SLC2A9: variants seen among roughly 807,000 people sequenced by gnomAD.
SLC2A9 encodes solute carrier family 2, facilitated glucose transporter member 9.
Under a neutral mutation model 50.6 loss-of-function variants are expected in SLC2A9, and 39 were observed. That is an observed-to-expected ratio of 0.77 (90% confidence interval 0.60 to 1.01). The LOEUF is 1.01. Among genes scored for constraint, SLC2A9 ranks in the 50% least tolerant of loss-of-function variants. The pLI is 0.00. For synonymous variants in SLC2A9, 324 were observed against 276.9 expected (o/e 1.17, Z -1.69); for missense variants, 686 against 677.6 (o/e 1.01, Z -0.14).
At chr4:9,951,300 T>C (rs1305482385) in intron 5 of SLC2A9, among the ~76,000 whole-genome samples, 2 of 140,536 alleles carry the variant, frequency 1.4e-5, no homozygotes, top group Admixed American at 1.5e-4. Flanking sequence ...TTTGATCATA[T>C]GGATGTGGAG....
In SLC2A9 at chr4:9,826,312, A is replaced by T. The variant is rs1023846250; in HGVS notation, c.*85T>A. Reference sequence around the variant, plus strand: ...CATTTAAGCTTCCCAATAATGGGTAAATTTTAAGTTTCCTGAAAAGTGAGA... The same window carrying T: ...CATTTAAGCTTCCCAATAATGGGTATATTTTAAGTTTCCTGAAAAGTGAGA... On this transcript the variant is annotated 3_prime_UTR_variant, in exon 12 of 12. Transcript: ENST00000264784. 2.9e-6 allele frequency: 4 copies of T among 1,403,012 alleles called. No individual in the cohort carries two copies. The highest frequency in any genetic ancestry group is 4.0e-6 in the Non-Finnish European group (4 of 989,298). 86.9% of individuals were successfully genotyped at this position (1,403,012 alleles called of 1,614,324 possible). A position where few individuals can be genotyped will look rare whatever the true frequency, so the allele number is the denominator to read the frequency against.
chr4:10,016,888 T>C (rs1762702056), intron 2 of SLC2A9, among the ~76,000 whole-genome samples: 1 of 152,056 alleles, frequency 6.6e-6, no homozygotes, highest in Admixed American at 6.5e-5. Context: ...CCTAAGATCT[T>C]AGGCCCTCTT....
intron 5 of SLC2A9, among the ~76,000 whole-genome samples, chr4:9,958,040 T>C (rs777680278): frequency 1.3e-5 from 2 of 152,198 alleles, no homozygotes; most frequent in Non-Finnish European, 1.5e-5. Flanking sequence ...GAAACAACAG[T>C]TCACATATAA....
intron 10 of SLC2A9, among the ~76,000 whole-genome samples, chr4:9,839,450 G>T (rs1727656334): frequency 6.6e-6 from 1 of 152,016 alleles, no homozygotes; most frequent in Admixed American, 6.6e-5. Context: ...CCTAAAGACA[G>T]AACTACTATT....
At chr4:9,929,085 T>C (rs1208878561) in intron 6 of SLC2A9, among the ~76,000 whole-genome samples, 1 of 152,250 alleles carries the variant, frequency 6.6e-6, no homozygotes, top group East Asian at 1.9e-4. Context: ...AGGTTCATTT[T>C]TGAGCTATCC....
Position 9,938,922 on chromosome 4 carries a change from G to A in SLC2A9, c.814+2991C>T, listed in dbSNP as rs941310755. ...CCACTATGAACTGGGGGTGGGGATG[G>A]AGTGGGGATAGGAACATCCCGAAAG... On this transcript the variant is annotated intron_variant, in intron 6 of 11. Coordinates refer to ENST00000264784, the MANE Select transcript of SLC2A9 (RefSeq NM_020041.3). Among the ~76,000 whole-genome samples the A allele has an allele frequency of 9.9e-5, 15 of 152,162 alleles. No individual in the cohort carries two copies. The East Asian group carries it at 2.9e-3, about 29-fold the overall frequency.
rs528657128 is a variant in SLC2A9 at position 9,889,773 on chromosome 4, CCA to C, written c.1215+835_1215+836del. 7.9e-5 allele frequency among the ~76,000 whole-genome samples: 12 copies of C among 152,158 alleles called. No homozygotes were observed. The South Asian group carries it at 2.5e-3, about 32-fold the overall frequency. ...TTGCTGCAACCTTGCTTCACGCTTC[CCA>C]TGGCACCAAGATGAGTTGGAGGTAC... On this transcript the variant is annotated intron_variant, in intron 9 of 11. Coordinates refer to ENST00000264784, the MANE Select transcript of SLC2A9 (RefSeq NM_020041.3).
At chr4:10,033,364 C>T (rs1010870200) in intron 1 of SLC2A9, among the ~76,000 whole-genome samples, 9 of 152,128 alleles carry the variant, frequency 5.9e-5, no homozygotes, top group Non-Finnish European at 1.2e-4. Flanking sequence ...GATGGCTTCC[C>T]GGCAGCCGAA....
intron 3 of SLC2A9, among the ~76,000 whole-genome samples, chr4:9,991,217 A>T (rs1428386819): frequency 6.6e-6 from 1 of 152,044 alleles, no homozygotes; most frequent in Non-Finnish European, 1.5e-5. Context: ...CACCTTAAAG[A>T]TTACTCCTGA....
chr4:10,021,201 G>A (rs1763465613), intron 1 of SLC2A9, 79 bp downstream of exon 1: 2 of 1,471,426 alleles, frequency 1.4e-6, no homozygotes, highest in Middle Eastern at 2.4e-4. Context: ...GGCTGGGGCT[G>A]AGCACTGTCA....
chr4:9,905,174 C>T (rs948507457), intron 8 of SLC2A9, among the ~76,000 whole-genome samples: 12 of 152,252 alleles, frequency 7.9e-5, no homozygotes, highest in African/African-American at 2.9e-4. Context: ...GAATGCATGC[C>T]TGCATGAAAG....
chr4:9,816,507 G>T (rs931495221), intron 3 of SLC2A9, among the ~76,000 whole-genome samples: 9 of 152,102 alleles, frequency 5.9e-5, no homozygotes, highest in African/African-American at 1.9e-4. Flanking sequence ...CCTGAAATTT[G>T]CCAAGAGGGT....
intron 10 of SLC2A9, chr4:9,879,316 A>C: frequency 2.0e-6 from 2 of 985,112 alleles, no homozygotes; most frequent in Non-Finnish European, 2.4e-6. Context: ...TTGTTGCAAG[A>C]GGGGAAATAG....
At chr4:9,814,726 C>A (rs368781148) in intron 3 of SLC2A9, among the ~76,000 whole-genome samples, 2 of 152,066 alleles carry the variant, frequency 1.3e-5, no homozygotes, top group Admixed American at 1.3e-4. Flanking sequence ...CATGTGATGA[C>A]ATCAGCATTC....
intron 7 of SLC2A9, among the ~76,000 whole-genome samples, chr4:9,914,352 C>G (rs1206711724): frequency 6.6e-6 from 1 of 152,220 alleles, no homozygotes; most frequent in African/African-American, 2.4e-5. Flanking sequence ...AGCCCACTCT[C>G]TCTCAGCAGA....
chr4:9,782,065 G>A, intron 3 of SLC2A9: 2 of 1,493,268 alleles, frequency 1.3e-6, no homozygotes, highest in Non-Finnish European at 1.8e-6. Flanking sequence ...CCGCGTACCC[G>A]GGGCAGTTCG....
chr4:10,008,910 T>TTTTTTTTTTTTTTTTTTA (rs1761276219), intron 2 of SLC2A9, among the ~76,000 whole-genome samples: 1 of 151,384 alleles, frequency 6.6e-6, no homozygotes. Flanking sequence ...GTTTTTTTTT[T>TTTTTTTTTTTTTTTTTTA]TTTTTTTCCT....
intron 6 of SLC2A9, among the ~76,000 whole-genome samples, chr4:9,933,293 A>G (rs916422849): frequency 6.6e-6 from 1 of 152,178 alleles, no homozygotes; most frequent in African/African-American, 2.4e-5. Context: ...CAACTCTTTC[A>G]TTTTGCAGAG....
chr4:9,772,137 T>C (rs1379089277), intron 1 of SLC2A9, among the ~76,000 whole-genome samples: 1 of 152,076 alleles, frequency 6.6e-6, no homozygotes, highest in Non-Finnish European at 1.5e-5. Context: ...TGGTAGAATG[T>C]TGGATGGAGG....
Sources: gnomAD v4.1 joint callset for allele counts (sites outside exome capture counted in the v4.1 genomes callset) on GRCh38, gnomAD v4.1.1 for gene constraint, MANE v1.5 for transcripts, NCBI Gene and HGNC (gene_info 2026-07-23, HGNC 2026-07-21) for gene names.